BCL7B: variants seen among roughly 807,000 people sequenced by gnomAD.
BCL7B encodes B-cell CLL/lymphoma 7 protein family member B.
BCL7B carries 11 observed loss-of-function variants against 26.5 expected under a neutral mutation model. The ratio of observed to expected loss-of-function variants is 0.42; its 90% CI spans 0.26 to 0.69. BCL7B has a LOEUF of 0.69. Among genes scored for constraint, BCL7B ranks in the 30% least tolerant of loss-of-function variants. BCL7B has a pLI of 0.28. For synonymous variants in BCL7B, 111 were observed against 107.9 expected, an observed-to-expected ratio of 1.03 and a Z score of -0.18; for missense variants, 215 against 264.4, an observed-to-expected ratio of 0.81 and a Z score of 1.30.
At chr7:73,548,101 C>T (rs1322848380) in intron 2 of BCL7B, among the ~76,000 whole-genome samples, 1 of 151,636 alleles carries the variant, frequency 6.6e-6, no homozygotes, top group Non-Finnish European at 1.5e-5. Context: ...CTCAGAGTGA[C>T]ACCCTGTCTC....
intron 3 of BCL7B, chr7:73,540,623 C>G (rs548827399): frequency 8.5e-4 from 128 of 150,362 alleles, no homozygotes; most frequent in Non-Finnish European, 1.7e-3. Flanking sequence ...AAGGTCAGGA[C>G]ATCGAGACCA....
chr7:73,553,894 C>A (rs1368948350), intron 1 of BCL7B, among the ~76,000 whole-genome samples: 1 of 151,952 alleles, frequency 6.6e-6, no homozygotes, highest in Admixed American at 6.6e-5. Flanking sequence ...GATTAGAATG[C>A]CACTGTTCTG....
intron 1 of BCL7B, chr7:73,557,222 G>A (rs1428346691): frequency 4.7e-6 from 5 of 1,065,710 alleles, no homozygotes; most frequent in Non-Finnish European, 5.7e-6. Context: ...TCCAGTCCGG[G>A]CCGGAAGCCG....
At chr7:73,551,005 GC>G (rs1369224173) in intron 2 of BCL7B, among the ~76,000 whole-genome samples, 4 of 152,180 alleles carry the variant, frequency 2.6e-5, no homozygotes, top group Non-Finnish European at 4.4e-5. Context: ...ATGAAACAAT[GC>G]TATGTATTTT....
intron 3 of BCL7B, 103 bp from the exon 4 acceptor site, chr7:73,540,155 G>T: frequency 8.1e-7 from 1 of 1,230,896 alleles, no homozygotes. Context: ...GGCAGCCAAG[G>T]ATACAACTGA....
In BCL7B at chr7:73,538,016, G is replaced by C. The variant is rs1554582377; in HGVS notation, c.437-3C>G. On this transcript the variant is annotated splice_region_variant and splice_polypyrimidine_tract_variant and intron_variant, in intron 4 of 5. Coordinates refer to ENST00000223368, the MANE Select transcript of BCL7B (RefSeq NM_001707.4). ...TTCCGAGGAGGGCAGGGAGGGCTCTGAAAAGGCAGTAGGGTCGGCCTGAGG... is the reference window on the plus strand; with the variant it reads ...TTCCGAGGAGGGCAGGGAGGGCTCTCAAAAGGCAGTAGGGTCGGCCTGAGG... 6.3e-7 allele frequency: 1 copy of C among 1,594,692 alleles called. No individual in the cohort carries two copies. The highest frequency in any genetic ancestry group is 1.1e-5 in the South Asian group (1 of 88,706).
chr7:73,538,938 TG>T (rs1554582482), intron 4 of BCL7B, among the ~76,000 whole-genome samples: 1 of 152,054 alleles, frequency 6.6e-6, no homozygotes, highest in Non-Finnish European at 1.5e-5. Flanking sequence ...ACTGGCTATG[TG>T]ATCTCAGACA....
intron 5 of BCL7B, 39 bp from the exon 6 acceptor site, chr7:73,537,429 T>C (rs781783012): frequency 1.3e-6 from 2 of 1,541,454 alleles, no homozygotes; most frequent in South Asian, 2.2e-5. Context: ...GGGCCACCCC[T>C]CCCAACCAGA....
chr7:73,551,719 TAAAG>T (rs1417651825), intron 2 of BCL7B, among the ~76,000 whole-genome samples: 4 of 152,142 alleles, frequency 2.6e-5, no homozygotes, highest in Non-Finnish European at 2.9e-5. Flanking sequence ...AGGAAAATAA[TAAAG>T]AGAGGCCTTG....
chr7:73,554,590 G>C (rs1554584517), intron 1 of BCL7B, among the ~76,000 whole-genome samples: 1 of 151,970 alleles, frequency 6.6e-6, no homozygotes, highest in African/African-American at 2.4e-5. Flanking sequence ...TTGAGCCCAG[G>C]AGTTCGAGAC....
chr7:73,539,759 A>C, intron 4 of BCL7B, 123 bp downstream of exon 4: 1 of 1,142,964 alleles, frequency 8.7e-7, no homozygotes, highest in Non-Finnish European at 1.2e-6. Flanking sequence ...GCTATCGAGA[A>C]AGGGCTTGGT....
At chr7:73,547,810 GA>G (rs1183049849) in intron 2 of BCL7B, among the ~76,000 whole-genome samples, 19 of 152,208 alleles carry the variant, frequency 1.2e-4, no homozygotes, top group African/African-American at 4.6e-4. Flanking sequence ...AAATGTAGGA[GA>G]AAACAGTAAG....
At chr7:73,538,908 T>C (rs1554582477) in intron 4 of BCL7B, among the ~76,000 whole-genome samples, 1 of 151,588 alleles carries the variant, frequency 6.6e-6, no homozygotes, top group Non-Finnish European at 1.5e-5. Context: ...TAAAGTGACA[T>C]TCATTCCAAC....
At chr7:73,554,110 G>A (rs1054886995) in intron 1 of BCL7B, among the ~76,000 whole-genome samples, 1 of 151,488 alleles carries the variant, frequency 6.6e-6, no homozygotes, top group African/African-American at 2.4e-5. Context: ...TGGGACTACA[G>A]GCCACCACGC....
Position 73,537,226 on chromosome 7 carries a change from G to T in BCL7B, c.*72C>A. On this transcript the variant is annotated 3_prime_UTR_variant, in exon 6 of 6. Coordinates refer to ENST00000223368, the MANE Select transcript of BCL7B (RefSeq NM_001707.4). ...GACCCCAGTGCTTGCCCTTACCCCA[G>T]CAACGCGGCGCGGCCAGAACCAGAA... is the stretch of plus-strand genomic sequence containing the variant. 6.7e-7 allele frequency: 1 copy of T among 1,494,122 alleles called. No homozygotes were observed. Among genetic ancestry groups the T allele is most frequent in the Non-Finnish European group, 9.3e-7 (1 of 1,077,660 alleles). 92.6% of individuals were successfully genotyped at this position (1,494,122 alleles called of 1,614,324 possible).
Position 73,538,303 on chromosome 7 carries a change from C to T in BCL7B, c.437-290G>A, listed in dbSNP as rs1293448909. The T allele has an allele frequency of 2.4e-5, 7 of 294,036 alleles. No homozygotes were observed. The Admixed American group carries it at 3.6e-4, about 15-fold the overall frequency. 18.2% of individuals were successfully genotyped at this position (294,036 alleles called of 1,614,324 possible). ...CCAAACATCACAACTCTAACTCAATCTCCCAGTTTTCTGAGAGTTGCTATG... is the reference window on the plus strand; with the variant it reads ...CCAAACATCACAACTCTAACTCAATTTCCCAGTTTTCTGAGAGTTGCTATG... On this transcript the variant is annotated intron_variant, in intron 4 of 5. Coordinates refer to ENST00000223368, the MANE Select transcript of BCL7B (RefSeq NM_001707.4).
chr7:73,544,130 G>A (rs988680823), intron 2 of BCL7B, among the ~76,000 whole-genome samples: 2 of 151,996 alleles, frequency 1.3e-5, no homozygotes, highest in African/African-American at 4.8e-5. Context: ...CATTCAAAAC[G>A]ACCACCCCAG....
At chr7:73,553,067 G>T (rs971560603) in intron 1 of BCL7B, among the ~76,000 whole-genome samples, 1 of 151,592 alleles carries the variant, frequency 6.6e-6, no homozygotes, top group Admixed American at 6.6e-5. Flanking sequence ...GACTAGAGGC[G>T]CACACCACCA....
At chr7:73,547,897 C>T (rs967963680) in intron 2 of BCL7B, among the ~76,000 whole-genome samples, 1 of 152,098 alleles carries the variant, frequency 6.6e-6, no homozygotes, top group African/African-American at 2.4e-5. Flanking sequence ...ATGGGCAAAT[C>T]ACTTGAGGTC....
Sources: gnomAD v4.1 joint callset for allele counts (sites outside exome capture counted in the v4.1 genomes callset) on GRCh38, gnomAD v4.1.1 for gene constraint, MANE v1.5 for transcripts, NCBI Gene and HGNC (gene_info 2026-07-23, HGNC 2026-07-21) for gene names.